Variants in PRKCE observed in about 807,000 individuals in gnomAD.
PRKCE encodes protein kinase C epsilon.
A neutral mutation model predicts 85.4 loss-of-function variants in PRKCE; 16 were observed. That is an observed-to-expected ratio of 0.19 (90% CI 0.13 to 0.28). The LOEUF is 0.28. Among genes scored for constraint, PRKCE ranks in the 10% least tolerant of loss-of-function variants. PRKCE has a pLI of 1.00. For missense variants in PRKCE, 573 were observed against 975.2 expected (o/e 0.59, Z 5.49); for synonymous variants, 388 against 371.5 (o/e 1.04, Z -0.51).
At chr2:46,169,959 C>T (rs1354718443) in intron 14 of PRKCE, among the ~76,000 whole-genome samples, 4 of 152,214 alleles carry the variant, frequency 2.6e-5, no homozygotes, top group Non-Finnish European at 5.9e-5. Context: ...TTCACTCAAT[C>T]TCTCTGCTCC....
At chr2:45,770,019 C>T (rs1685190569) in intron 1 of PRKCE, among the ~76,000 whole-genome samples, 1 of 152,244 alleles carries the variant, frequency 6.6e-6, no homozygotes, top group Non-Finnish European at 1.5e-5. Context: ...TGCACACTCA[C>T]ACAGCCATCA....
At chr2:46,079,353 T>C (rs1668848499) in intron 10 of PRKCE, among the ~76,000 whole-genome samples, 1 of 152,208 alleles carries the variant, frequency 6.6e-6, no homozygotes. Flanking sequence ...CACATAATTA[T>C]ACAGCATTTT....
intron 1 of PRKCE, among the ~76,000 whole-genome samples, chr2:45,751,789 A>C (rs1573201598): frequency 6.8e-6 from 1 of 146,824 alleles, no homozygotes; most frequent in Non-Finnish European, 1.5e-5. Flanking sequence ...TTCTAACTCC[A>C]GCCTCCAAAG....
intron 10 of PRKCE, among the ~76,000 whole-genome samples, chr2:46,058,898 G>A (rs904883572): frequency 3.9e-5 from 6 of 152,146 alleles, no homozygotes; most frequent in South Asian, 2.1e-4. Flanking sequence ...GGATCTTGCC[G>A]TGTGGCCCAG....
chr2:45,735,241 G>A (rs1462142121), intron 1 of PRKCE, among the ~76,000 whole-genome samples: 2 of 152,234 alleles, frequency 1.3e-5, no homozygotes, highest in Non-Finnish European at 2.9e-5. Context: ...CACCACTAGA[G>A]GTTTCCAGCT....
chr2:45,885,001 A>ATTTTTTTTTTTTTT (rs55883420), intron 2 of PRKCE, among the ~76,000 whole-genome samples: 4 of 71,536 alleles, frequency 5.6e-5, no homozygotes, highest in Admixed American at 4.4e-4. Flanking sequence ...ATATATATAT[A>ATTTTTTTTTTTTTT]TTTGTTGTTG....
chr2:45,771,530 G>C (rs756521649), intron 1 of PRKCE, among the ~76,000 whole-genome samples: 7 of 152,172 alleles, frequency 4.6e-5, no homozygotes, highest in African/African-American at 1.4e-4. Context: ...GCACAACACA[G>C]CACACACTCT....
intron 14 of PRKCE, among the ~76,000 whole-genome samples, chr2:46,172,525 G>A (rs1193508521): frequency 6.6e-6 from 1 of 152,246 alleles, no homozygotes; most frequent in Non-Finnish European, 1.5e-5. Context: ...GAGGGTTTGA[G>A]GAGCAGGAAT....
rs1031428663 is a variant in PRKCE at position 46,187,541 on chromosome 2, C to G, written c.*2660C>G. Reference sequence around the variant, plus strand: ...TTTTTCTGATCTTTCCAGCCCCACCCCCTTTCTCTTTCTCTCTCTCTCTCA... The same window carrying G: ...TTTTTCTGATCTTTCCAGCCCCACCGCCTTTCTCTTTCTCTCTCTCTCTCA... On this transcript the variant is annotated 3_prime_UTR_variant, in exon 15 of 15. Coordinates refer to ENST00000306156, the MANE Select transcript of PRKCE (RefSeq NM_005400.3). The G allele has an allele frequency of 6.6e-6, 1 of 152,384 alleles. No individual in the cohort carries two copies. The highest frequency in any genetic ancestry group is 2.4e-5 in the African/African-American group (1 of 41,352). The allele number at this position is 152,384 out of a possible 1,614,324, so 9.4% of individuals were successfully genotyped here.
chr2:45,980,457 C>G, intron 5 of PRKCE, 76 bp downstream of exon 5: 2 of 1,362,626 alleles, frequency 1.5e-6, no homozygotes, highest in Non-Finnish European at 2.1e-6. Context: ...CTGTGGTTCC[C>G]AAGAAAACCT....
intron 6 of PRKCE, among the ~76,000 whole-genome samples, chr2:45,988,775 C>T (rs1232992324): frequency 6.6e-6 from 1 of 152,216 alleles, no homozygotes. Flanking sequence ...TTCCCAGGTT[C>T]CAGGAGCAGC....
chr2:45,756,831 A>G (rs928297541), intron 1 of PRKCE, among the ~76,000 whole-genome samples: 5 of 152,206 alleles, frequency 3.3e-5, no homozygotes. Context: ...TGGGAGGGGC[A>G]GGAGCAAGAG....
intron 1 of PRKCE, among the ~76,000 whole-genome samples, chr2:45,717,727 G>A (rs1467633488): frequency 1.3e-5 from 2 of 152,200 alleles, no homozygotes; most frequent in East Asian, 3.8e-4. Flanking sequence ...GGACTCCTGA[G>A]GGTCCCTTAC....
At chr2:45,878,410 C>T (rs1323734658) in intron 2 of PRKCE, among the ~76,000 whole-genome samples, 1 of 152,212 alleles carries the variant, frequency 6.6e-6, no homozygotes, top group Admixed American at 6.5e-5. Context: ...TACTCTTATC[C>T]TGAGTCTGGG....
intron 6 of PRKCE, among the ~76,000 whole-genome samples, chr2:46,000,583 A>T (rs1453054692): frequency 1.3e-5 from 2 of 151,392 alleles, no homozygotes; most frequent in Non-Finnish European, 2.9e-5. Flanking sequence ...CCCACCCCCA[A>T]CCCCCACACT....
chr2:45,808,966 T>G (rs1688457768), intron 1 of PRKCE, among the ~76,000 whole-genome samples: 2 of 152,176 alleles, frequency 1.3e-5, no homozygotes, highest in South Asian at 4.1e-4. Flanking sequence ...AAATTACTAC[T>G]GTACCCGGCT....
At chr2:45,985,067 G>A (rs1340670741) in intron 6 of PRKCE, among the ~76,000 whole-genome samples, 1 of 152,134 alleles carries the variant, frequency 6.6e-6, no homozygotes, top group East Asian at 1.9e-4. Context: ...TTCTTGCATG[G>A]TCCATGGCTC....
intron 3 of PRKCE, 137 bp from the exon 4 acceptor site, chr2:45,978,839 A>G: frequency 1.4e-6 from 1 of 699,868 alleles, no homozygotes; most frequent in South Asian, 1.9e-5. Flanking sequence ...TGCAAGTGAG[A>G]GAGAAATTAC....
chr2:46,035,705 T>C (rs1707816748), intron 10 of PRKCE, among the ~76,000 whole-genome samples: 1 of 152,222 alleles, frequency 6.6e-6, no homozygotes, highest in African/African-American at 2.4e-5. Context: ...ATATATGGTG[T>C]ATATGGCACG....
Sources: gnomAD v4.1 joint callset for allele counts (sites outside exome capture counted in the v4.1 genomes callset) on GRCh38, gnomAD v4.1.1 for gene constraint, MANE v1.5 for transcripts, NCBI Gene and HGNC (gene_info 2026-07-23, HGNC 2026-07-21) for gene names.